TEX28: variants seen among roughly 807,000 people sequenced by gnomAD.
TEX28 encodes the protein testis expressed 28.
upstream of TEX28, among the ~76,000 whole-genome samples, chrX:154,294,085 C>T (rs111409125): frequency 1.2e-5 from 1 of 83,466 alleles, no homozygotes. Context: ...AATTTTTTTT[C>T]TTGAGACAGA....
At chrX:154,294,093 A>C (rs1372442181), upstream of TEX28, among the ~76,000 whole-genome samples, 1 of 87,965 alleles carries the variant, frequency 1.1e-5, no homozygotes, top group Non-Finnish European at 2.2e-5. Context: ...TTCTTGAGAC[A>C]GAGTTTTGCT....
chrX:154,294,325 C>T (rs1186550870), upstream of TEX28, among the ~76,000 whole-genome samples: 3 of 101,303 alleles, frequency 3.0e-5, no homozygotes, highest in African/African-American at 1.1e-4. Context: ...CCTTGGCCTC[C>T]CAAAGTGCTG....
upstream of TEX28, among the ~76,000 whole-genome samples, chrX:154,294,147 C>T (rs1233097856): frequency 2.0e-5 from 2 of 98,296 alleles, no homozygotes; most frequent in African/African-American, 7.6e-5. Context: ...CTTGGCTCAC[C>T]GCAACCTCGA....
upstream of TEX28, among the ~76,000 whole-genome samples, chrX:154,294,485 G>A (rs2067202577): frequency 9.4e-6 from 1 of 106,756 alleles, no homozygotes; most frequent in Admixed American, 1.0e-4. Flanking sequence ...TCCTGCCTCA[G>A]ATTCCCATTA....
At chrX:154,294,757 C>G (rs1292016177), upstream of TEX28, among the ~76,000 whole-genome samples, 1 of 109,152 alleles carries the variant, frequency 9.2e-6, no homozygotes, top group African/African-American at 3.3e-5. Flanking sequence ...GAGCTAAGTT[C>G]GAGCCACTGC....
upstream of TEX28, among the ~76,000 whole-genome samples, chrX:154,293,286 T>A: frequency 1.0e-4 from 6 of 59,382 alleles, no homozygotes; most frequent in Non-Finnish European, 1.4e-4. Flanking sequence ...CATATGTACA[T>A]AACATCCAAA....
upstream of TEX28, chrX:154,295,042 G>A (rs1226362588): frequency 1.8e-5 from 2 of 111,935 alleles, no homozygotes; most frequent in Non-Finnish European, 3.8e-5. Context: ...CAGAGGTGGG[G>A]AGAAGGTTCT....
upstream of TEX28, chrX:154,295,026 T>A (rs1253530923): frequency 9.0e-6 from 1 of 111,569 alleles, no homozygotes. Context: ...GGTCGGTAGG[T>A]CACCTCAGAG....
chrX:154,293,368 G>GA (rs1219078594), upstream of TEX28, among the ~76,000 whole-genome samples: 6 of 84,695 alleles, frequency 7.1e-5, no homozygotes, highest in Admixed American at 1.2e-4. Context: ...GAAAGGGGGA[G>GA]AAAAAAAAAC....
upstream of TEX28, chrX:154,294,984 A>C (rs1308958001): frequency 2.7e-5 from 3 of 111,989 alleles, no homozygotes; most frequent in Non-Finnish European, 5.6e-5. Flanking sequence ...GGCGCTGTGG[A>C]GCTGGCGCCG....
At chrX:154,294,617 C>G (rs150470017), upstream of TEX28, among the ~76,000 whole-genome samples, 997 of 108,933 alleles carry the variant, frequency 9.2e-3, 6 homozygotes, top group African/African-American at 0.031. Flanking sequence ...ACCTGGCCAA[C>G]ATGGTGAAAA....
At chrX:154,293,356 A>G (rs2067196046), upstream of TEX28, among the ~76,000 whole-genome samples, 1 of 91,255 alleles carries the variant, frequency 1.1e-5, no homozygotes, top group Non-Finnish European at 2.0e-5. Flanking sequence ...AAAAGAAAGA[A>G]AGAAAGGGGG....
chrX:154,294,521 G>A (rs1232356202), upstream of TEX28, among the ~76,000 whole-genome samples: 3 of 105,327 alleles, frequency 2.8e-5, no homozygotes, highest in Non-Finnish European at 3.9e-5. Flanking sequence ...GCCCACCACC[G>A]CCTGGCATGG....
chrX:154,294,251 A>C (rs1416540528), upstream of TEX28, among the ~76,000 whole-genome samples: 1 of 109,446 alleles, frequency 9.1e-6, no homozygotes, highest in African/African-American at 3.3e-5. Context: ...TTTTGTATTT[A>C]GTAGAAACGG....
chrX:154,294,259 C>T (rs2148794160), upstream of TEX28, among the ~76,000 whole-genome samples: 2 of 109,482 alleles, frequency 1.8e-5, no homozygotes, highest in South Asian at 4.0e-4. Context: ...TTAGTAGAAA[C>T]GGGGTGTCTC....
upstream of TEX28, chrX:154,295,200 G>A (rs920903389): frequency 2.7e-5 from 3 of 112,807 alleles, no homozygotes; most frequent in South Asian, 3.6e-4. Flanking sequence ...ACAATCACAC[G>A]GGGCTTGCCT....
chrX:154,294,867 T>C (rs1209624077), upstream of TEX28, among the ~76,000 whole-genome samples: 1 of 111,768 alleles, frequency 8.9e-6, no homozygotes, highest in Admixed American at 9.5e-5. Context: ...CCCAAGGGCA[T>C]TCAGCCTGTG....
At chrX:154,294,370 CTT>C (rs1167481537), upstream of TEX28, among the ~76,000 whole-genome samples, 8 of 93,255 alleles carry the variant, frequency 8.6e-5, no homozygotes, top group African/African-American at 3.9e-5. Flanking sequence ...TGCCCAGCCA[CTT>C]TTTTTTTTTT....
upstream of TEX28, chrX:154,295,093 T>C (rs1186234237): frequency 9.0e-6 from 1 of 111,386 alleles, no homozygotes. Flanking sequence ...CCACCGGACA[T>C]GGGGCATTTC....
Sources: allele counts gnomAD v4.1 joint callset (sites outside exome capture counted in the v4.1 genomes callset), GRCh38; gene constraint gnomAD v4.1.1; transcripts MANE v1.5; gene names NCBI Gene and HGNC (gene_info 2026-07-23, HGNC 2026-07-21).